The following ZNF730 variants were observed in gnomAD, a reference collection of about 807,000 sequenced individuals.
The protein encoded by ZNF730 is zinc finger protein 730.
ZNF730 carries 12 observed loss-of-function variants against 12.6 expected under a neutral mutation model. The observed-to-expected ratio is 0.95, with a 90% CI of 0.61 to 1.54. The LOEUF is 1.54. Ranked by LOEUF, ZNF730 falls within the 40% of genes most tolerant of loss-of-function variation. ZNF730 has a pLI of 0.00. For synonymous variants in ZNF730, 194 were observed against 195.8 expected (o/e 0.99, Z 0.08); for missense variants, 643 against 583.5 (o/e 1.10, Z -1.05).
chr19:23,112,143 G>C (rs1282910823), upstream of ZNF730, among the ~76,000 whole-genome samples: 1 of 152,130 alleles, frequency 6.6e-6, no homozygotes, highest in Non-Finnish European at 1.5e-5. Flanking sequence ...TCACAACTTA[G>C]AAGGGCCCCT....
intron 1 of ZNF730, among the ~76,000 whole-genome samples, chr19:23,082,811 C>G (rs957809690): frequency 2.0e-5 from 3 of 152,114 alleles, no homozygotes; most frequent in Admixed American, 2.0e-4. Flanking sequence ...AGGTGATTCT[C>G]CTGCATCAGC....
intron 1 of ZNF730, among the ~76,000 whole-genome samples, chr19:23,130,807 C>T (rs553745338): frequency 6.6e-6 from 1 of 152,098 alleles, no homozygotes; most frequent in African/African-American, 2.4e-5. Flanking sequence ...GGAAATATCC[C>T]CATTGGCATA....
chr19:23,094,461 G>A (rs907048692), intron 1 of ZNF730, among the ~76,000 whole-genome samples: 15 of 150,626 alleles, frequency 1.0e-4, no homozygotes. Context: ...TAGGTAGGTA[G>A]AAAATAAATA....
At chr19:23,076,653 A>G (rs1969867454) in intron 1 of ZNF730, among the ~76,000 whole-genome samples, 1 of 152,184 alleles carries the variant, frequency 6.6e-6, no homozygotes, top group Admixed American at 6.5e-5. Flanking sequence ...GCCTGAGGAC[A>G]GTCTCCTGGT....
intron 3 of ZNF730, among the ~76,000 whole-genome samples, chr19:23,136,666 T>A (rs1162955469): frequency 1.3e-5 from 2 of 152,194 alleles, no homozygotes; most frequent in East Asian, 3.8e-4. Flanking sequence ...TTTTTCTGCA[T>A]ATTCCATGCC....
At chr19:23,103,380 C>T (rs955863378) in intron 1 of ZNF730, among the ~76,000 whole-genome samples, 1 of 152,324 alleles carries the variant, frequency 6.6e-6, no homozygotes, top group South Asian at 2.1e-4. Context: ...CAACAAGGTA[C>T]TCGTAATGCA....
chr19:23,088,734 G>A (rs938207869), intron 1 of ZNF730, among the ~76,000 whole-genome samples: 2 of 152,130 alleles, frequency 1.3e-5, no homozygotes, highest in African/African-American at 4.8e-5. Flanking sequence ...CAAAGTGCTG[G>A]GATTACAGGT....
rs568545094 is a variant in ZNF730, at chr19:23,099,023, AAGC to A, written c.-94+23638_-94+23640del. 2.6e-3 allele frequency among the ~76,000 whole-genome samples: 392 copies of A among 152,280 alleles called. 3 individuals are homozygous for A. Among genetic ancestry groups the A allele is most frequent in the Non-Finnish European group, 1.6e-3 (106 of 68,010 alleles). ...GTACAGAGAGTGTCGTCATAGGAAA[AAGC>A]AAACAGATTAGATCATGTTTCTTGT... is the stretch of plus-strand genomic sequence containing the variant. On this transcript the variant is annotated intron_variant, in intron 1 of 2. Transcript: ENST00000593635.
rs573133294 is a variant in ZNF730, at chr19:23,091,503, G to A, written c.-94+16116G>A. On this transcript the variant is annotated intron_variant, in intron 1 of 2. Coordinates refer to the ZNF730 transcript ENST00000593635. ...CTGCAGACACTCAATGCCAGCCAGT[G>A]AAAGCAACTGGGAGGGAAGCTGTTC... Among the ~76,000 whole-genome samples, 355 of 152,338 alleles carry A rather than the reference G, an allele frequency of 2.3e-3. 1 individual carries two copies. Among genetic ancestry groups the A allele is most frequent in the African/African-American group, 7.3e-3 (303 of 41,580 alleles).
chr19:23,102,654 C>G (rs893414475), intron 1 of ZNF730, among the ~76,000 whole-genome samples: 1 of 152,030 alleles, frequency 6.6e-6, no homozygotes, highest in Non-Finnish European at 1.5e-5. Context: ...CACCACCAAT[C>G]CCGGCTAATT....
At chr19:23,101,606 T>A (rs993269540) in intron 1 of ZNF730, among the ~76,000 whole-genome samples, 1 of 152,186 alleles carries the variant, frequency 6.6e-6, no homozygotes, top group African/African-American at 2.4e-5. Context: ...TTGTGACATA[T>A]CGCTTGACTC....
intron 1 of ZNF730, among the ~76,000 whole-genome samples, chr19:23,084,924 A>T (rs1970032320): frequency 2.0e-5 from 3 of 152,220 alleles, no homozygotes; most frequent in African/African-American, 7.2e-5. Context: ...CAGTGAACAT[A>T]CACGTGAATG....
chr19:23,143,194 G>A (rs931193706), intron 3 of ZNF730, among the ~76,000 whole-genome samples: 4 of 151,662 alleles, frequency 2.6e-5, no homozygotes, highest in Admixed American at 6.6e-5. Flanking sequence ...GCAGTGAGCC[G>A]AAATAGTGCC....
chr19:23,111,234 A>T (rs991195429), intron 1 of ZNF730, among the ~76,000 whole-genome samples: 1 of 143,848 alleles, frequency 7.0e-6, no homozygotes, highest in Non-Finnish European at 1.5e-5. Flanking sequence ...TAAGACAATC[A>T]AAACTTCTTG....
In ZNF730 at chr19:23,147,045, C is replaced by T. The variant is rs1483061497; in HGVS notation, c.*489C>T. ...GTAAGGTGATTCATACTGGAGAAAA[C>T]TTCTACAAGTGTAAACAAAGTGGCA... On this transcript the variant is annotated 3_prime_UTR_variant, in exon 4 of 4. Transcript: ENST00000597761. 1 of 272,018 alleles carries T rather than the reference C, an allele frequency of 3.7e-6. No homozygotes were observed. Among genetic ancestry groups the T allele is most frequent in the Non-Finnish European group, 7.1e-6 (1 of 140,762 alleles). 16.9% of individuals were successfully genotyped at this position (272,018 alleles called of 1,614,324 possible).
chr19:23,126,018 A>T (rs1437647662), intron 1 of ZNF730, among the ~76,000 whole-genome samples: 1 of 152,218 alleles, frequency 6.6e-6, no homozygotes, highest in African/African-American at 2.4e-5. Context: ...AATCATAAAG[A>T]TTACATAAAA....
intron 1 of ZNF730, among the ~76,000 whole-genome samples, chr19:23,091,609 G>A (rs1568302614): frequency 2.0e-5 from 3 of 152,184 alleles, no homozygotes; most frequent in African/African-American, 7.2e-5. Flanking sequence ...TCTGAGACTT[G>A]GAGTCAAAGG....
At position 23,145,375 on chromosome 19, in the gene ZNF730, T is replaced by A; in HGVS notation, c.331T>A (p.Leu111Ile). The change falls in exon 4 of 4, where the codon TTA becomes ATA. Residue 111 changes from leucine (L) to isoleucine (I), a missense_variant. Leu to Ile is a conservative substitution (Grantham distance 5). Transcript: ENST00000597761. ...RQYKKCRHEN[L>I]LLRKGCKNVD... ...ATATAAAAAATGTAGACATGAGAATTTACTGTTAAGAAAAGGCTGTAAAAA... is the reference window on the plus strand; with the variant it reads ...ATATAAAAAATGTAGACATGAGAATATACTGTTAAGAAAAGGCTGTAAAAA... 1.3e-6 allele frequency: 2 copies of A among 1,593,244 alleles called. No homozygotes were observed. The highest frequency in any genetic ancestry group is 1.7e-6 in the Non-Finnish European group (2 of 1,170,418).
intron 1 of ZNF730, among the ~76,000 whole-genome samples, chr19:23,128,748 T>A (rs1304618547): frequency 6.6e-6 from 1 of 152,220 alleles, no homozygotes; most frequent in Admixed American, 6.5e-5. Context: ...GAAAACCTCA[T>A]TTTTTGAGGA....
Sources: gnomAD v4.1 joint callset for allele counts (sites outside exome capture counted in the v4.1 genomes callset) on GRCh38, gnomAD v4.1.1 for gene constraint, MANE v1.5 for transcripts, NCBI Gene and HGNC (gene_info 2026-07-23, HGNC 2026-07-21) for gene names.